MON2: variants seen among roughly 807,000 people sequenced by gnomAD.
The protein encoded by MON2 is MON2 regulator of endosome-to-Golgi trafficking, also known as protein MON2 homolog.
MON2 carries 84 observed loss-of-function variants against 208.6 expected under a neutral mutation model. That is an observed-to-expected ratio of 0.40 (90% CI 0.34 to 0.48). The LOEUF (loss-of-function observed/expected upper bound fraction) is 0.48. MON2 is among the 20% of genes least tolerant of loss of function. The pLI, the probability that MON2 is intolerant of heterozygous loss-of-function variation, is 0.59. For synonymous variants in MON2, 660 were observed against 694.0 expected, an observed-to-expected ratio of 0.95 and a Z score of 0.77; for missense variants, 1,611 against 2,015.4, an observed-to-expected ratio of 0.80 and a Z score of 3.84.
rs1343725693 is a variant in MON2 at position 62,600,400 on chromosome 12, C to T, written c.*7651C>T. 6.6e-6 allele frequency: 1 copy of T among 152,194 alleles called. No individual in the cohort carries two copies. Among genetic ancestry groups the T allele is most frequent in the Non-Finnish European group, 1.5e-5 (1 of 68,030 alleles). 9.4% of individuals were successfully genotyped at this position (152,194 alleles called of 1,614,324 possible). ...TTGGAGCGCTCTCAAGTGCTTATTA[C>T]AGCTAGTCAAGGAAACCGCATATAT... is the stretch of plus-strand genomic sequence containing the variant. On this transcript the variant is annotated 3_prime_UTR_variant, in exon 35 of 35. Coordinates refer to ENST00000393630, the MANE Select transcript of MON2 (RefSeq NM_015026.3).
At chr12:62,537,955 G>C (rs1330277288) in intron 16 of MON2, 141 bp from the exon 17 acceptor site, 1 of 712,798 alleles carries the variant, frequency 1.4e-6, no homozygotes, top group Non-Finnish European at 2.3e-6. Flanking sequence ...ATGTTAATTA[G>C]TGATTTTAGT....
At chr12:62,556,399 A>G (rs1362578612) in intron 25 of MON2, among the ~76,000 whole-genome samples, 1 of 152,186 alleles carries the variant, frequency 6.6e-6, no homozygotes, top group African/African-American at 2.4e-5. Flanking sequence ...TCTTGCTATC[A>G]TGGGCATGAG....
At chr12:62,503,362 C>G (rs1707103971) in intron 7 of MON2, among the ~76,000 whole-genome samples, 1 of 152,174 alleles carries the variant, frequency 6.6e-6, no homozygotes. Context: ...AAAATATATT[C>G]AGGATCCAAT....
intron 5 of MON2, among the ~76,000 whole-genome samples, chr12:62,499,308 A>G (rs184303205): frequency 2.0e-3 from 298 of 152,292 alleles, no homozygotes; most frequent in Middle Eastern, 6.8e-3. Context: ...TTTTAACCAA[A>G]CATTACATTC....
intron 29 of MON2, among the ~76,000 whole-genome samples, chr12:62,570,936 T>G (rs2136404146): frequency 6.6e-6 from 1 of 152,124 alleles, no homozygotes; most frequent in East Asian, 1.9e-4. Context: ...TTCACCATGT[T>G]GGCCCAGATG....
At chr12:62,544,461 A>ATAC (rs536338925) in intron 20 of MON2, among the ~76,000 whole-genome samples, 1 of 152,054 alleles carries the variant, frequency 6.6e-6, no homozygotes, top group African/African-American at 2.4e-5. Flanking sequence ...AATAATAATA[A>ATAC]TAAAATAAAT....
chr12:62,579,683 G>A (rs1236988607), intron 31 of MON2, among the ~76,000 whole-genome samples: 8 of 152,060 alleles, frequency 5.3e-5, no homozygotes, highest in South Asian at 4.1e-4. Flanking sequence ...CCGAGATCAC[G>A]CCACTGCACT....
intron 25 of MON2, 29 bp from the exon 26 acceptor site, chr12:62,560,462 A>G (rs945824642): frequency 1.3e-6 from 2 of 1,554,678 alleles, no homozygotes; most frequent in East Asian, 2.2e-5. Flanking sequence ...CTTTTATGAT[A>G]ATAGTTTTTT....
chr12:62,582,455 T>C (rs1364785614), intron 32 of MON2, among the ~76,000 whole-genome samples: 1 of 152,214 alleles, frequency 6.6e-6, no homozygotes, highest in Non-Finnish European at 1.5e-5. Context: ...AGGGCAATTT[T>C]GTAAGAGTTT....
chr12:62,520,672 C>T (rs576122588), intron 8 of MON2, among the ~76,000 whole-genome samples: 1 of 151,922 alleles, frequency 6.6e-6, no homozygotes, highest in East Asian at 1.9e-4. Context: ...CAGTGGCTCA[C>T]GCCTGTAATC....
intron 7 of MON2, among the ~76,000 whole-genome samples, chr12:62,503,298 T>C (rs1200377521): frequency 6.6e-6 from 1 of 152,198 alleles, no homozygotes; most frequent in African/African-American, 2.4e-5. Context: ...CAAATTAGTT[T>C]CTCTCTGTAT....
intron 8 of MON2, among the ~76,000 whole-genome samples, chr12:62,514,348 T>C (rs1238366713): frequency 1.3e-5 from 2 of 152,192 alleles, no homozygotes; most frequent in Non-Finnish European, 2.9e-5. Flanking sequence ...CAATTTACTG[T>C]AGTAGTCCAT....
chr12:62,539,347 T>G (rs930753303), intron 19 of MON2, among the ~76,000 whole-genome samples: 35 of 151,746 alleles, frequency 2.3e-4, no homozygotes, highest in Non-Finnish European at 5.9e-5. Flanking sequence ...GGGTCACTGC[T>G]CTGCCTCCCA....
rs1393422195 is a variant in MON2 at position 62,571,493 on chromosome 12, T to A, written c.4425T>A (p.Pro1475=). 1.2e-6 allele frequency: 2 copies of A among 1,613,542 alleles called. No homozygotes were observed. The highest frequency in any genetic ancestry group is 2.2e-5 in the South Asian group (2 of 91,054). Residue 1475 remains proline (P), a synonymous_variant, in exon 30 of 35, where the codon CCT becomes CCA. Transcript: ENST00000393630. ...TCAGAGTTCTTTCTATTGGGCTACC[T>A]GTTGCCCGGCAGCATGCTTCTTCTG... ...SLLRVLSIGL[P]VARQHASSGK...
intron 8 of MON2, among the ~76,000 whole-genome samples, chr12:62,516,232 C>T (rs917139021): frequency 7.2e-5 from 11 of 151,802 alleles, no homozygotes; most frequent in Non-Finnish European, 1.3e-4. Context: ...AACAATTGAA[C>T]GAATGGAGAG....
At position 62,598,876 on chromosome 12, in the gene MON2, G is replaced by C. The variant is rs773701285; in HGVS notation, c.*6127G>C. ...TTATTTGTTTTACAGCTAACATTAA[G>C]CATGATTCCAGGTTTTTAATTATGT... is the stretch of plus-strand genomic sequence containing the variant. On this transcript the variant is annotated 3_prime_UTR_variant, in exon 35 of 35. Coordinates refer to ENST00000393630, the MANE Select transcript of MON2 (RefSeq NM_015026.3). 6.6e-5 allele frequency: 10 copies of C among 152,134 alleles called. No homozygotes were observed. The highest frequency in any genetic ancestry group is 8.8e-5 in the Non-Finnish European group (6 of 67,992). The allele number at this position is 152,134 out of a possible 1,614,324, so 9.4% of individuals were successfully genotyped here. A position where few individuals can be genotyped will look rare whatever the true frequency, so the allele number is the denominator to read the frequency against.
chr12:62,516,295 G>A (rs920449910), intron 8 of MON2, among the ~76,000 whole-genome samples: 1 of 152,102 alleles, frequency 6.6e-6, no homozygotes, highest in Non-Finnish European at 1.5e-5. Context: ...GAGATGGGGA[G>A]CAGGGGGAAA....
intron 19 of MON2, among the ~76,000 whole-genome samples, chr12:62,538,903 A>G (rs1447295452): frequency 6.6e-6 from 1 of 152,142 alleles, no homozygotes; most frequent in Non-Finnish European, 1.5e-5. Flanking sequence ...TTGGGATGGA[A>G]AGTAAGGAGC....
intron 1 of MON2, among the ~76,000 whole-genome samples, chr12:62,479,280 C>T (rs1223200082): frequency 5.9e-5 from 9 of 152,140 alleles, no homozygotes; most frequent in Non-Finnish European, 1.0e-4. Context: ...GATATTCAAG[C>T]CCCTGATATG....
Sources: allele counts gnomAD v4.1 joint callset (sites outside exome capture counted in the v4.1 genomes callset), GRCh38; gene constraint gnomAD v4.1.1; transcripts MANE v1.5; gene names NCBI Gene and HGNC (gene_info 2026-07-23, HGNC 2026-07-21).